Variants in CTDSPL observed in about 807,000 individuals in gnomAD.
CTDSPL encodes the protein CTD small phosphatase like.
CTDSPL carries 8 observed loss-of-function variants against 30.5 expected under a neutral mutation model. That is an observed-to-expected ratio of 0.26 (90% confidence interval 0.15 to 0.47). CTDSPL has a LOEUF of 0.47. CTDSPL is among the 20% of genes least tolerant of loss of function. CTDSPL has a pLI of 0.99. For synonymous variants in CTDSPL, 110 were observed against 137.9 expected, an observed-to-expected ratio of 0.80 and a Z score of 1.42; for missense variants, 248 against 366.1, an observed-to-expected ratio of 0.68 and a Z score of 2.63.
At chr3:37,887,644 C>T (rs1698278052) in intron 1 of CTDSPL, among the ~76,000 whole-genome samples, 1 of 152,192 alleles carries the variant, frequency 6.6e-6, no homozygotes, top group Non-Finnish European at 1.5e-5. Flanking sequence ...GCGCTTAAAA[C>T]AGTGTTTGGC....
At chr3:37,944,117 G>A (rs1699009800) in intron 1 of CTDSPL, among the ~76,000 whole-genome samples, 1 of 150,092 alleles carries the variant, frequency 6.7e-6, no homozygotes, top group South Asian at 2.1e-4. Context: ...GCACAAAGTT[G>A]CCAAAAGACA....
intron 3 of CTDSPL, among the ~76,000 whole-genome samples, chr3:37,960,535 T>TATATATACACAC (rs1327299412): frequency 8.0e-4 from 13 of 16,286 alleles, no homozygotes; most frequent in Non-Finnish European, 1.3e-3. Context: ...TATATATATA[T>TATATATACACAC]ACACACACAC....
intron 1 of CTDSPL, among the ~76,000 whole-genome samples, chr3:37,923,823 A>G (rs1256414774): frequency 6.6e-6 from 1 of 151,802 alleles, no homozygotes; most frequent in Non-Finnish European, 1.5e-5. Context: ...CAACACACTT[A>G]TAAACCAATG....
At chr3:37,910,332 T>A (rs1020905240) in intron 1 of CTDSPL, among the ~76,000 whole-genome samples, 2 of 152,010 alleles carry the variant, frequency 1.3e-5, no homozygotes, top group African/African-American at 4.8e-5. Context: ...ATACAAAAAA[T>A]CAGCCGGGCA....
intron 2 of CTDSPL, among the ~76,000 whole-genome samples, chr3:37,951,501 C>T (rs1392509393): frequency 6.6e-6 from 1 of 151,918 alleles, no homozygotes; most frequent in Non-Finnish European, 1.5e-5. Context: ...CATAGGGAAA[C>T]CCCCATCTCT....
At chr3:37,906,959 C>T (rs1336296414) in intron 1 of CTDSPL, among the ~76,000 whole-genome samples, 2 of 152,148 alleles carry the variant, frequency 1.3e-5, no homozygotes, top group Non-Finnish European at 2.9e-5. Flanking sequence ...ATGTAAAATG[C>T]AGGACTAAAG....
At chr3:37,882,989 G>T (rs535082699) in intron 1 of CTDSPL, among the ~76,000 whole-genome samples, 2 of 152,304 alleles carry the variant, frequency 1.3e-5, no homozygotes, top group South Asian at 2.1e-4. Flanking sequence ...GGTTTAACAT[G>T]TTCTATTTAC....
intron 1 of CTDSPL, among the ~76,000 whole-genome samples, chr3:37,884,742 G>A (rs1187616198): frequency 6.6e-6 from 1 of 152,146 alleles, no homozygotes; most frequent in South Asian, 2.1e-4. Context: ...TTTCCAGAAA[G>A]GAGGAAAAGA....
At chr3:37,915,836 T>C (rs1216377152) in intron 1 of CTDSPL, among the ~76,000 whole-genome samples, 2 of 152,262 alleles carry the variant, frequency 1.3e-5, no homozygotes, top group African/African-American at 4.8e-5. Context: ...AGTTATTTTT[T>C]ATTAAGTGTC....
At chr3:37,870,559 T>C (rs986122309) in intron 1 of CTDSPL, among the ~76,000 whole-genome samples, 2 of 152,152 alleles carry the variant, frequency 1.3e-5, no homozygotes, top group African/African-American at 4.8e-5. Context: ...TTCAACTTTG[T>C]TGATTTCTGT....
At chr3:37,962,491 A>C (rs535809664) in intron 3 of CTDSPL, among the ~76,000 whole-genome samples, 2 of 152,284 alleles carry the variant, frequency 1.3e-5, no homozygotes, top group Admixed American at 1.3e-4. Flanking sequence ...ACTTACTGTT[A>C]ACTTTTCTCT....
chr3:37,974,567 G>T (rs1699404618), intron 6 of CTDSPL, among the ~76,000 whole-genome samples: 1 of 152,202 alleles, frequency 6.6e-6, no homozygotes, highest in Non-Finnish European at 1.5e-5. Context: ...CACTCAGTAT[G>T]GCCCACTCTT....
chr3:37,940,982 C>T (rs1303798600), intron 1 of CTDSPL, among the ~76,000 whole-genome samples: 2 of 150,316 alleles, frequency 1.3e-5, no homozygotes, highest in Non-Finnish European at 3.0e-5. Flanking sequence ...CTTTAAGCTG[C>T]CCCATTCATA....
At chr3:37,946,604 A>G (rs1699041870) in intron 1 of CTDSPL, among the ~76,000 whole-genome samples, 1 of 152,224 alleles carries the variant, frequency 6.6e-6, no homozygotes, top group South Asian at 2.1e-4. Flanking sequence ...CCAAGAACCT[A>G]GATTCAAAGT....
chr3:37,968,543 G>T (rs1378719277), intron 5 of CTDSPL: 3 of 222,978 alleles, frequency 1.3e-5, no homozygotes, highest in Non-Finnish European at 2.7e-5. Context: ...AGCTTTAGAG[G>T]TTGAAGCTGG....
intron 1 of CTDSPL, among the ~76,000 whole-genome samples, chr3:37,941,705 G>T (rs1296187534): frequency 6.7e-6 from 1 of 150,212 alleles, no homozygotes; most frequent in Non-Finnish European, 1.5e-5. Context: ...TGTTTTCATT[G>T]ACAGGGATAA....
chr3:37,876,150 C>T (rs1303462931), intron 1 of CTDSPL, among the ~76,000 whole-genome samples: 3 of 151,804 alleles, frequency 2.0e-5, no homozygotes, highest in African/African-American at 7.3e-5. Flanking sequence ...GAGGATGAGG[C>T]GGAGGATTGC....
chr3:37,913,514 AAC>A (rs1320193641), intron 1 of CTDSPL, among the ~76,000 whole-genome samples: 1 of 152,112 alleles, frequency 6.6e-6, no homozygotes, highest in South Asian at 2.1e-4. Context: ...TAACCTGGAA[AAC>A]AGAGGGGGAA....
At chr3:37,872,752 T>A (rs1157883074) in intron 1 of CTDSPL, among the ~76,000 whole-genome samples, 1 of 151,876 alleles carries the variant, frequency 6.6e-6, no homozygotes, top group Non-Finnish European at 1.5e-5. Flanking sequence ...TTTTTGTATT[T>A]TTAGTAGAGG....
Sources: gnomAD v4.1 joint callset for allele counts (sites outside exome capture counted in the v4.1 genomes callset) on GRCh38, gnomAD v4.1.1 for gene constraint, MANE v1.5 for transcripts, NCBI Gene and HGNC (gene_info 2026-07-23, HGNC 2026-07-21) for gene names.